Variants in LMBR1 observed in about 807,000 individuals in gnomAD.
LMBR1 encodes the protein limb development membrane protein 1, also known as limb region 1 protein homolog.
Under a neutral mutation model 73.9 loss-of-function variants are expected in LMBR1, and 52 were observed. That is an observed-to-expected ratio of 0.70 (90% CI 0.56 to 0.89). LMBR1 has a LOEUF of 0.89. Ranked by LOEUF, LMBR1 falls within the 40% of genes least tolerant of loss-of-function variation. The probability of loss-of-function intolerance (pLI) is 0.00; values close to 1 mark genes in which losing one functional copy is unlikely to be tolerated. For synonymous variants in LMBR1, 215 were observed against 209.4 expected (o/e 1.03, Z -0.23); for missense variants, 539 against 579.8 (o/e 0.93, Z 0.72).
At chr7:156,801,246 C>T (rs368617586) in intron 4 of LMBR1, among the ~76,000 whole-genome samples, 3 of 152,148 alleles carry the variant, frequency 2.0e-5, no homozygotes, top group Admixed American at 6.5e-5. Flanking sequence ...GAAATTGCCA[C>T]GGTCACGCAA....
intron 1 of LMBR1, among the ~76,000 whole-genome samples, chr7:156,868,653 A>T (rs897894905): frequency 3.3e-5 from 5 of 151,552 alleles, no homozygotes; most frequent in African/African-American, 1.2e-4. Context: ...ACAGAGCAAG[A>T]TGCCATCTCA....
intron 4 of LMBR1, among the ~76,000 whole-genome samples, chr7:156,821,459 T>A (rs928701803): frequency 6.6e-6 from 1 of 152,232 alleles, no homozygotes; most frequent in African/African-American, 2.4e-5. Context: ...AACTCTCCGA[T>A]GGGCAGATCT....
intron 15 of LMBR1, among the ~76,000 whole-genome samples, chr7:156,696,521 T>C (rs145988485): frequency 6.6e-6 from 1 of 152,280 alleles, no homozygotes; most frequent in East Asian, 1.9e-4. Flanking sequence ...CACAGTTCCA[T>C]ATGGCTAGGA....
At chr7:156,802,754 T>C (rs1005193059) in intron 4 of LMBR1, among the ~76,000 whole-genome samples, 1 of 151,672 alleles carries the variant, frequency 6.6e-6, no homozygotes, top group African/African-American at 2.4e-5. Flanking sequence ...CATATCCTTT[T>C]ATAATCCCTG....
intron 9 of LMBR1, among the ~76,000 whole-genome samples, chr7:156,750,049 G>T (rs1395459095): frequency 6.6e-6 from 1 of 152,134 alleles, no homozygotes. Flanking sequence ...TCATGAAGAT[G>T]AAAATCGTAT....
intron 5 of LMBR1, among the ~76,000 whole-genome samples, chr7:156,787,839 C>T (rs935585546): frequency 1.3e-5 from 2 of 152,188 alleles, no homozygotes; most frequent in Non-Finnish European, 2.9e-5. Context: ...TGCAACAGCA[C>T]GATCTTGGCT....
At chr7:156,817,305 C>T (rs1834068549) in intron 4 of LMBR1, among the ~76,000 whole-genome samples, 1 of 151,958 alleles carries the variant, frequency 6.6e-6, no homozygotes, top group African/African-American at 2.4e-5. Flanking sequence ...CAATAATTTC[C>T]AAAATGACAA....
chr7:156,863,308 G>A (rs371841102), intron 1 of LMBR1, among the ~76,000 whole-genome samples: 20 of 151,748 alleles, frequency 1.3e-4, no homozygotes, highest in African/African-American at 4.8e-4. Context: ...GAAAGATGTA[G>A]GCTGGGAGGC....
chr7:156,785,585 C>CCTTA (rs927211642), intron 5 of LMBR1, among the ~76,000 whole-genome samples: 1 of 152,112 alleles, frequency 6.6e-6, no homozygotes, highest in African/African-American at 2.4e-5. Flanking sequence ...TTCAACAGAA[C>CCTTA]CTTAAGGTCA....
chr7:156,795,955 A>T (rs572781296), intron 5 of LMBR1, among the ~76,000 whole-genome samples: 1 of 152,202 alleles, frequency 6.6e-6, no homozygotes, highest in Non-Finnish European at 1.5e-5. Flanking sequence ...TGCCAGAGTC[A>T]TTCATTCTGA....
chr7:156,691,640 T>C (rs755241160), intron 15 of LMBR1, among the ~76,000 whole-genome samples: 47 of 152,228 alleles, frequency 3.1e-4, no homozygotes, highest in Middle Eastern at 6.8e-3. Flanking sequence ...TAATATGACT[T>C]TATCAATAAA....
At chr7:156,795,705 G>A (rs117869318) in intron 5 of LMBR1, among the ~76,000 whole-genome samples, 4,824 of 151,940 alleles carry the variant, frequency 0.032, 123 homozygotes, top group South Asian at 0.083. Flanking sequence ...GGTACCCATC[G>A]CCACACCCAG....
chr7:156,780,352 T>C (rs1395932088), intron 5 of LMBR1, among the ~76,000 whole-genome samples: 2 of 152,294 alleles, frequency 1.3e-5, no homozygotes, highest in African/African-American at 2.4e-5. Flanking sequence ...CTCCATTGCA[T>C]TAAAATTTGT....
intron 15 of LMBR1, among the ~76,000 whole-genome samples, chr7:156,690,077 G>C (rs915121633): frequency 6.6e-6 from 1 of 152,138 alleles, no homozygotes; most frequent in Admixed American, 6.5e-5. Context: ...GTTCACTGAC[G>C]GAGGACACGG....
chr7:156,809,334 C>G (rs1832689730), intron 4 of LMBR1, among the ~76,000 whole-genome samples: 1 of 152,144 alleles, frequency 6.6e-6, no homozygotes, highest in African/African-American at 2.4e-5. Flanking sequence ...ACTAGACTGG[C>G]TGGGATTTTT....
At chr7:156,706,532 A>C (rs1810974717) in intron 15 of LMBR1, among the ~76,000 whole-genome samples, 1 of 152,232 alleles carries the variant, frequency 6.6e-6, no homozygotes, top group Non-Finnish European at 1.5e-5. Context: ...TTAAAAATCA[A>C]AAATTTTCAT....
intron 1 of LMBR1, among the ~76,000 whole-genome samples, chr7:156,848,516 C>CA (rs892723445): frequency 7.0e-4 from 107 of 152,096 alleles, no homozygotes; most frequent in African/African-American, 2.5e-3. Flanking sequence ...ATTAAAAAGT[C>CA]AAAAAATAAC....
rs544411607 is a variant in LMBR1 at position 156,749,089 on chromosome 7, C to A, written c.757+7304G>T. On this transcript the variant is annotated intron_variant, in intron 9 of 16. Transcript: ENST00000353442. ...TTTTGATTATATTTGATCACTTTCA[C>A]GCTAATACCAGACATTTCTCAAAGT... Among the ~76,000 whole-genome samples the A allele has an allele frequency of 2.6e-5, 4 of 152,266 alleles. 1 individual carries two copies. In the South Asian group the frequency reaches 8.3e-4, roughly 32 times the overall value.
intron 15 of LMBR1, among the ~76,000 whole-genome samples, chr7:156,705,181 T>G (rs957512479): frequency 5.9e-5 from 9 of 152,058 alleles, no homozygotes; most frequent in African/African-American, 2.2e-4. Context: ...CTAAAATCAG[T>G]AAGAAAAGAG....
Sources: allele counts gnomAD v4.1 joint callset (sites outside exome capture counted in the v4.1 genomes callset), GRCh38; gene constraint gnomAD v4.1.1; transcripts MANE v1.5; gene names NCBI Gene and HGNC (gene_info 2026-07-23, HGNC 2026-07-21).